Variants in KLF15 observed in about 807,000 individuals in gnomAD.
KLF15 encodes Krueppel-like factor 15.
A neutral mutation model predicts 24.6 loss-of-function variants in KLF15; 4 were observed. The ratio of observed to expected loss-of-function variants is 0.16; its 90% CI spans 0.08 to 0.37. The LOEUF is 0.37. KLF15 is among the 10% of genes least tolerant of loss of function. KLF15 has a pLI of 1.00. For missense variants in KLF15, 496 were observed against 560.6 expected (o/e 0.88, Z 1.16); for synonymous variants, 246 against 236.3 (o/e 1.04, Z -0.37).
the KLF15 span, among the ~76,000 whole-genome samples, chr3:126,290,158 G>A: frequency 8.5e-5 from 13 of 152,102 alleles, no homozygotes; most frequent in Middle Eastern, 3.4e-3. Flanking sequence ...TTCTTTTGGC[G>A]GAGGGAGTAG....
At chr3:126,319,816 G>A in the KLF15 span, among the ~76,000 whole-genome samples, 1 of 152,118 alleles carries the variant, frequency 6.6e-6, no homozygotes, top group Non-Finnish European at 1.5e-5. Flanking sequence ...CCAGAGGCAT[G>A]ATCAACAGTC....
At chr3:126,318,575 ACTGTGCT>A in the KLF15 span, among the ~76,000 whole-genome samples, 1 of 152,212 alleles carries the variant, frequency 6.6e-6, no homozygotes, top group Admixed American at 6.5e-5. Context: ...CACGTGGCAT[ACTGTGCT>A]CTAGGGACGA....
chr3:126,308,068 C>A, the KLF15 span, among the ~76,000 whole-genome samples: 1 of 152,182 alleles, frequency 6.6e-6, no homozygotes, highest in African/African-American at 2.4e-5. Context: ...AGCGCCGTGG[C>A]CTGGCTGGGA....
the KLF15 span, among the ~76,000 whole-genome samples, chr3:126,301,799 G>C: frequency 6.6e-6 from 1 of 151,710 alleles, no homozygotes; most frequent in African/African-American, 2.4e-5. Flanking sequence ...TTTTTTAGTA[G>C]AGACGGGGTT....
chr3:126,346,648 A>G (rs2082537662), intron 2 of KLF15, among the ~76,000 whole-genome samples: 1 of 152,092 alleles, frequency 6.6e-6, no homozygotes, highest in South Asian at 2.1e-4. Flanking sequence ...CCTCACCTGA[A>G]TTCCCTCCCT....
the KLF15 span, among the ~76,000 whole-genome samples, chr3:126,292,671 G>A: frequency 1.3e-5 from 2 of 152,138 alleles, no homozygotes; most frequent in African/African-American, 2.4e-5. Context: ...GGGAGAGCGA[G>A]CGAGCAGCAG....
At chr3:126,322,055 C>A in the KLF15 span, among the ~76,000 whole-genome samples, 3 of 152,148 alleles carry the variant, frequency 2.0e-5, no homozygotes, top group Non-Finnish European at 4.4e-5. Flanking sequence ...TGTGGAAGAA[C>A]CTGTGTCCCT....
the KLF15 span, among the ~76,000 whole-genome samples, chr3:126,333,506 G>A: frequency 8.4e-6 from 1 of 119,328 alleles, no homozygotes; most frequent in Non-Finnish European, 1.7e-5. Context: ...GGAAGAAACT[G>A]CATCAACTAA....
the KLF15 span, among the ~76,000 whole-genome samples, chr3:126,333,423 A>G: frequency 3.3e-5 from 5 of 151,012 alleles, no homozygotes; most frequent in African/African-American, 1.2e-4. Context: ...TGAAGGAAGC[A>G]CTAAACATGG....
At chr3:126,293,410 C>T in the KLF15 span, among the ~76,000 whole-genome samples, 1 of 152,132 alleles carries the variant, frequency 6.6e-6, no homozygotes, top group Non-Finnish European at 1.5e-5. Flanking sequence ...GTATCTGGAG[C>T]TCCGTTTTGG....
intron 2 of KLF15, among the ~76,000 whole-genome samples, chr3:126,351,238 T>G (rs1328111330): frequency 6.6e-6 from 1 of 152,090 alleles, no homozygotes; most frequent in Non-Finnish European, 1.5e-5. Context: ...CTCCCAAACA[T>G]GCTTCCACGT....
At chr3:126,326,231 A>G in the KLF15 span, among the ~76,000 whole-genome samples, 7 of 126,808 alleles carry the variant, frequency 5.5e-5, no homozygotes, top group Admixed American at 8.6e-5. Context: ...GTATAGTTTG[A>G]AGTCAGGTAG....
chr3:126,294,618 C>A, the KLF15 span, among the ~76,000 whole-genome samples: 1 of 152,150 alleles, frequency 6.6e-6, no homozygotes, highest in Non-Finnish European at 1.5e-5. Flanking sequence ...GAGCACTTTT[C>A]TCTGCTTGCA....
the KLF15 span, among the ~76,000 whole-genome samples, chr3:126,328,953 C>A: frequency 6.6e-6 from 1 of 152,216 alleles, no homozygotes; most frequent in Non-Finnish European, 1.5e-5. Flanking sequence ...CAGATATATT[C>A]GGATTGTTGA....
the KLF15 span, among the ~76,000 whole-genome samples, chr3:126,321,070 G>T: frequency 1.3e-5 from 2 of 152,096 alleles, no homozygotes; most frequent in Non-Finnish European, 2.9e-5. Flanking sequence ...AGCCAGGAAG[G>T]GTATCAGCTG....
the KLF15 span, among the ~76,000 whole-genome samples, chr3:126,317,873 G>A: frequency 3.5e-4 from 53 of 152,214 alleles, no homozygotes; most frequent in Middle Eastern, 3.4e-3. Context: ...TCCCTCGGTC[G>A]GATTCTTCTG....
At chr3:126,333,594 A>G in the KLF15 span, among the ~76,000 whole-genome samples, 2 of 146,422 alleles carry the variant, frequency 1.4e-5, no homozygotes, top group Non-Finnish European at 3.0e-5. Context: ...ATGTAAATGG[A>G]CTAAATTCTC....
At chr3:126,315,752 C>T in the KLF15 span, among the ~76,000 whole-genome samples, 1 of 152,228 alleles carries the variant, frequency 6.6e-6, no homozygotes, top group African/African-American at 2.4e-5. Flanking sequence ...CAAATCACTT[C>T]AAGAAGGAGG....
chr3:126,337,556 C>T, the KLF15 span, among the ~76,000 whole-genome samples: 1 of 120,364 alleles, frequency 8.3e-6, no homozygotes, highest in Non-Finnish European at 1.7e-5. Context: ...TGCACATGTA[C>T]CCTAAAACTT....
Sources: gnomAD v4.1 joint callset for allele counts (sites outside exome capture counted in the v4.1 genomes callset) on GRCh38, gnomAD v4.1.1 for gene constraint, MANE v1.5 for transcripts, NCBI Gene and HGNC (gene_info 2026-07-23, HGNC 2026-07-21) for gene names.